Variants in SPTBN1 observed in about 807,000 individuals in gnomAD.
SPTBN1 encodes the protein spectrin beta chain, non-erythrocytic 1.
SPTBN1 carries 32 observed loss-of-function variants against 266.4 expected under a neutral mutation model. That is an observed-to-expected ratio of 0.12 (90% CI 0.09 to 0.16). SPTBN1 has a LOEUF of 0.16. Among genes scored for constraint, SPTBN1 ranks in the 10% least tolerant of loss-of-function variants. The probability of loss-of-function intolerance (pLI) is 1.00; values close to 1 mark genes in which losing one functional copy is unlikely to be tolerated. For synonymous variants in SPTBN1, 1,336 were observed against 1,162.2 expected (o/e 1.15, Z -3.04); for missense variants, 2,296 against 3,067.1 (o/e 0.75, Z 5.94).
At chr2:54,563,019 C>A (rs140921178) in intron 2 of SPTBN1, among the ~76,000 whole-genome samples, 1 of 152,070 alleles carries the variant, frequency 6.6e-6, no homozygotes, top group Non-Finnish European at 1.5e-5. Context: ...TTATAACATA[C>A]CTGTGAAGTT....
intron 3 of SPTBN1, among the ~76,000 whole-genome samples, chr2:54,603,362 C>A (rs1237382054): frequency 6.6e-6 from 1 of 152,142 alleles, no homozygotes; most frequent in African/African-American, 2.4e-5. Flanking sequence ...GGTAACTTCC[C>A]TATCACTTGT....
chr2:54,585,893 A>G (rs1675257441), intron 2 of SPTBN1, among the ~76,000 whole-genome samples: 2 of 152,220 alleles, frequency 1.3e-5, no homozygotes, highest in South Asian at 4.1e-4. Flanking sequence ...GGCTGAGTTG[A>G]AAATATAACC....
In SPTBN1 at chr2:54,628,061, G is replaced by T; in HGVS notation, c.1645-36G>T. On this transcript the variant is annotated intron_variant, in intron 12 of 35. Transcript: ENST00000356805. This position sits in a 1 kb window ranked among gnomAD's most constrained non-coding sequence, Gnocchi z 4.3. ...ATGTGATGCTGAAGTCAAGGCTATA[G>T]TCACAGATGTCCTTTTGGTTGCTTC... 1 of 1,582,304 alleles carries T rather than the reference G, an allele frequency of 6.3e-7. No homozygotes were observed. The highest frequency in any genetic ancestry group is 8.6e-7 in the Non-Finnish European group (1 of 1,163,598).
At chr2:54,463,610 C>A (rs1419960904) in intron 1 of SPTBN1, among the ~76,000 whole-genome samples, 1 of 152,208 alleles carries the variant, frequency 6.6e-6, no homozygotes, top group Non-Finnish European at 1.5e-5. Context: ...GTATCTACCA[C>A]ATAGGATTAT....
At chr2:54,618,859 G>A (rs1421230404) in intron 7 of SPTBN1, among the ~76,000 whole-genome samples, 4 of 152,198 alleles carry the variant, frequency 2.6e-5, no homozygotes, top group South Asian at 2.1e-4. Flanking sequence ...TATCTGCACG[G>A]AACTAATCCC....
intron 29 of SPTBN1, among the ~76,000 whole-genome samples, chr2:54,657,225 C>T (rs1424449745): frequency 6.6e-6 from 1 of 152,238 alleles, no homozygotes; most frequent in East Asian, 1.9e-4. Flanking sequence ...TCCCCACCAT[C>T]TGTAGTGTTC....
At chr2:54,525,935 T>C (rs370427104) in intron 1 of SPTBN1, among the ~76,000 whole-genome samples, 37 of 152,214 alleles carry the variant, frequency 2.4e-4, no homozygotes, top group African/African-American at 8.4e-4. Flanking sequence ...TTTCACCATG[T>C]TGGCCAGGCT....
chr2:54,482,640 T>A (rs1668157994), intron 1 of SPTBN1, among the ~76,000 whole-genome samples: 1 of 152,236 alleles, frequency 6.6e-6, no homozygotes, highest in South Asian at 2.1e-4. Context: ...CTTCATTTCC[T>A]CAGTCACACT....
chr2:54,522,675 AG>A (rs1670532204), intron 1 of SPTBN1, among the ~76,000 whole-genome samples: 8 of 96,622 alleles, frequency 8.3e-5, no homozygotes, highest in East Asian at 3.0e-4. Context: ...AGAGAGAGAG[AG>A]AGGAGAGAGA....
intron 2 of SPTBN1, among the ~76,000 whole-genome samples, chr2:54,595,677 G>C (rs79779610): frequency 6.6e-6 from 1 of 152,224 alleles, no homozygotes; most frequent in Non-Finnish European, 1.5e-5. Context: ...GGTCATCAAA[G>C]AGAATGATGA....
intron 3 of SPTBN1, among the ~76,000 whole-genome samples, chr2:54,600,296 T>C (rs1676410555): frequency 6.6e-6 from 1 of 152,174 alleles, no homozygotes; most frequent in Non-Finnish European, 1.5e-5. Flanking sequence ...TCCCTGCCCT[T>C]CAGTTCAAGA....
intron 1 of SPTBN1, among the ~76,000 whole-genome samples, chr2:54,511,444 T>C (rs1359722434): frequency 2.0e-5 from 3 of 152,220 alleles, no homozygotes; most frequent in Non-Finnish European, 4.4e-5. Context: ...TCCAACCTTT[T>C]TGGCACCAGG....
At chr2:54,584,767 A>G (rs1675171687) in intron 2 of SPTBN1, among the ~76,000 whole-genome samples, 1 of 152,204 alleles carries the variant, frequency 6.6e-6, no homozygotes, top group African/African-American at 2.4e-5. Flanking sequence ...GAAGCTTCCT[A>G]GGCTATGTCA....
chr2:54,621,255 A>G (rs1572696181), intron 7 of SPTBN1, 145 bp from the exon 8 acceptor site: 2 of 547,972 alleles, frequency 3.6e-6, no homozygotes, highest in East Asian at 5.8e-5. Flanking sequence ...CTTGTAATTA[A>G]TGCACGGATG....
rs566668857 is a variant in SPTBN1, at chr2:54,605,707, A to G, written c.301-6454A>G. 3.3e-5 allele frequency among the ~76,000 whole-genome samples: 5 copies of G among 152,362 alleles called. 1 individual carries two copies. The South Asian group carries it at 1.0e-3, about 32-fold the overall frequency. On this transcript the variant is annotated intron_variant, in intron 3 of 35. Coordinates refer to ENST00000356805, the MANE Select transcript of SPTBN1 (RefSeq NM_003128.3). ...AAAACATGTGAGAAGCCTACTCTGA[A>G]GCAGATAGAACACACGTTGTGGGAG...
intron 17 of SPTBN1, among the ~76,000 whole-genome samples, chr2:54,633,023 C>T (rs373931989): frequency 1.5e-4 from 23 of 150,842 alleles, no homozygotes; most frequent in East Asian, 1.4e-3. Flanking sequence ...AATTCTTAAC[C>T]GAGGACCTGT....
At chr2:54,493,221 G>T (rs1049904198) in intron 1 of SPTBN1, among the ~76,000 whole-genome samples, 1 of 151,854 alleles carries the variant, frequency 6.6e-6, no homozygotes, top group East Asian at 1.9e-4. Flanking sequence ...GCCCAGGCTG[G>T]TCTCAAACTC....
chr2:54,608,749 G>T (rs1677022791), intron 3 of SPTBN1, among the ~76,000 whole-genome samples: 1 of 151,740 alleles, frequency 6.6e-6, no homozygotes, highest in African/African-American at 2.4e-5. Context: ...AAAGCAGGGG[G>T]TTTAGGGGCA....
At chr2:54,529,001 A>C (rs1444944713) in intron 2 of SPTBN1, among the ~76,000 whole-genome samples, 1 of 152,156 alleles carries the variant, frequency 6.6e-6, no homozygotes, top group Non-Finnish European at 1.5e-5. Context: ...GGACAGAAGA[A>C]TCTCTTGAGT....
Sources: gnomAD v4.1 joint callset for allele counts (sites outside exome capture counted in the v4.1 genomes callset) on GRCh38, gnomAD v4.1.1 for gene constraint, Gnocchi (gnomAD v3.1) non-coding constraint, MANE v1.5 for transcripts, NCBI Gene and HGNC (gene_info 2026-07-23, HGNC 2026-07-21) for gene names.